The following GNB1L variants were observed in gnomAD, a reference collection of about 807,000 sequenced individuals.
The protein encoded by GNB1L is guanine nucleotide-binding protein subunit beta-like protein 1.
A neutral mutation model predicts 29.1 loss-of-function variants in GNB1L; 20 were observed. The observed-to-expected ratio is 0.69, with a 90% CI of 0.48 to 1.00. The LOEUF is 1.00. GNB1L is among the 50% of genes least tolerant of loss of function. The probability of loss-of-function intolerance (pLI) is 0.00; values close to 1 mark genes in which losing one functional copy is unlikely to be tolerated. For missense variants in GNB1L, 421 were observed against 464.9 expected, an observed-to-expected ratio of 0.91 and a Z score of 0.87; for synonymous variants, 193 against 206.5, an observed-to-expected ratio of 0.93 and a Z score of 0.56.
At chr22:19,813,545 G>A (rs1446321629) in intron 4 of GNB1L, among the ~76,000 whole-genome samples, 1 of 152,100 alleles carries the variant, frequency 6.6e-6, no homozygotes, top group East Asian at 1.9e-4. Flanking sequence ...AAAATCAGCT[G>A]GGTGTGGTGG....
At chr22:19,846,616 C>T (rs1358014959) in intron 2 of GNB1L, 6 of 913,648 alleles carry the variant, frequency 6.6e-6, no homozygotes, top group South Asian at 5.0e-5. Flanking sequence ...ATGTTCAAGT[C>T]CTAACCCCTA....
intron 2 of GNB1L, among the ~76,000 whole-genome samples, chr22:19,834,993 C>G (rs1416198660): frequency 6.6e-6 from 1 of 151,976 alleles, no homozygotes; most frequent in African/African-American, 2.4e-5. Flanking sequence ...GCAAAGTAGA[C>G]CTCAGAGTGA....
rs1241598296 is a variant in GNB1L, at chr22:19,787,750, C to G, written c.*959G>C. ...GCTTCTCTGGATCTGCCCATGGGCCCCACTCCAATATTCAGGGTCATGGTT... is the reference window on the plus strand; with the variant it reads ...GCTTCTCTGGATCTGCCCATGGGCCGCACTCCAATATTCAGGGTCATGGTT... On this transcript the variant is annotated 3_prime_UTR_variant, in exon 8 of 8. Coordinates refer to ENST00000329517, the MANE Select transcript of GNB1L (RefSeq NM_053004.3). 1 of 152,318 alleles carries G rather than the reference C, an allele frequency of 6.6e-6. No homozygotes were observed. The highest frequency in any genetic ancestry group is 1.5e-5 in the Non-Finnish European group (1 of 68,110). 9.4% of individuals were successfully genotyped at this position (152,318 alleles called of 1,614,324 possible). A position where few individuals can be genotyped will look rare whatever the true frequency, so the allele number is the denominator to read the frequency against.
At position 19,851,994 on chromosome 22, in the gene GNB1L, G is replaced by A. The variant is rs146819542; in HGVS notation, c.-21+2449C>T. The stretch of plus-strand genomic sequence containing the variant: ...CAGCAGAAGTCCACCCTGTGGGGTC[G>A]GGAGCTGGGCATGTGCCCAGCTAGG... On this transcript the variant is annotated intron_variant, in intron 2 of 7. Transcript: ENST00000329517. The A allele has an allele frequency of 1.1e-4, 180 of 1,614,156 alleles. No homozygotes were observed. The East Asian group carries it at 2.9e-3, about 26-fold the overall frequency.
chr22:19,835,388 AC>A (rs1482116660), intron 2 of GNB1L, among the ~76,000 whole-genome samples: 32 of 145,354 alleles, frequency 2.2e-4, no homozygotes, highest in East Asian at 2.0e-3. Flanking sequence ...AAAAAAAAAA[AC>A]AAACAAACAA....
chr22:19,847,888 T>C (rs977053946), intron 2 of GNB1L: 4 of 978,730 alleles, frequency 4.1e-6, no homozygotes, highest in Admixed American at 6.2e-5. Context: ...ATCTGGAATA[T>C]GTACTGGCAT....
intron 5 of GNB1L, among the ~76,000 whole-genome samples, chr22:19,806,989 C>T (rs1485669972): frequency 6.6e-6 from 1 of 152,252 alleles, no homozygotes; most frequent in Non-Finnish European, 1.5e-5. Context: ...CCGACGTTAC[C>T]GTGCAGGCTG....
chr22:19,837,112 G>A (rs1205323705), intron 2 of GNB1L, among the ~76,000 whole-genome samples: 1 of 151,880 alleles, frequency 6.6e-6, no homozygotes, highest in East Asian at 1.9e-4. Context: ...GACTACAGGC[G>A]CCCACCACCA....
At chr22:19,817,207 G>A (rs962862195) in intron 4 of GNB1L, among the ~76,000 whole-genome samples, 1 of 152,132 alleles carries the variant, frequency 6.6e-6, no homozygotes, top group Non-Finnish European at 1.5e-5. Flanking sequence ...CACCATTAGG[G>A]GCCAGGCACA....
chr22:19,852,331 T>C, intron 2 of GNB1L: 2 of 1,502,950 alleles, frequency 1.3e-6, no homozygotes, highest in East Asian at 2.3e-5. Flanking sequence ...CAGATGTGGC[T>C]TGCACGACAC....
In GNB1L at chr22:19,820,781, G is replaced by T. The variant is rs949517821; in HGVS notation, c.129-58C>A. 1.9e-6 allele frequency: 3 copies of T among 1,561,292 alleles called. No homozygotes were observed. In the African/African-American group the frequency reaches 4.1e-5, roughly 21 times the overall value. ...GGCAGAAGGGTGTGCTGAATGCTCT[G>T]GGGCCAGCCTGGAGGCCACATTGTG... On this transcript the variant is annotated intron_variant, in intron 3 of 7. Transcript: ENST00000329517.
At chr22:19,841,437 G>C (rs925433043) in intron 2 of GNB1L, among the ~76,000 whole-genome samples, 1 of 152,056 alleles carries the variant, frequency 6.6e-6, no homozygotes, top group African/African-American at 2.4e-5. Flanking sequence ...TAATGAGCCT[G>C]GGCAACATAG....
chr22:19,789,903 G>A (rs1937234432), intron 7 of GNB1L, among the ~76,000 whole-genome samples: 1 of 152,034 alleles, frequency 6.6e-6, no homozygotes, highest in African/African-American at 2.4e-5. Flanking sequence ...AAAACCTTTG[G>A]TGGCCAGACA....
At chr22:19,851,282 G>C in intron 2 of GNB1L, 1 of 1,613,380 alleles carries the variant, frequency 6.2e-7, no homozygotes, top group Non-Finnish European at 8.5e-7. Context: ...CTCCTCCTCT[G>C]TTTTCTGGGG....
In GNB1L at chr22:19,805,781, C is replaced by CA. The variant is rs535320240; in HGVS notation, c.516+877dup. 5.8e-3 allele frequency among the ~76,000 whole-genome samples: 862 copies of CA among 147,498 alleles called. 23 individuals are homozygous for CA. The South Asian group carries it at 0.083, about 14-fold the overall frequency. On this transcript the variant is annotated intron_variant, in intron 6 of 7. Coordinates refer to ENST00000329517, the MANE Select transcript of GNB1L (RefSeq NM_053004.3). ...TGGGTGACAGAGCGAGACTCCATCA[C>CA]AAAAAAAAAATAAATAAATAAAATA... is the stretch of plus-strand genomic sequence containing the variant.
chr22:19,817,741 G>A (rs1355057516), intron 4 of GNB1L, among the ~76,000 whole-genome samples: 3 of 152,220 alleles, frequency 2.0e-5, no homozygotes, highest in African/African-American at 7.2e-5. Flanking sequence ...AGAGCAGGTG[G>A]CAGCAGCTCA....
chr22:19,793,435 C>G lies in GNB1L; in HGVS notation c.733-4475G>C, dbSNP rs530722406. 9.9e-5 allele frequency among the ~76,000 whole-genome samples: 15 copies of G among 152,270 alleles called. No homozygotes were observed. The South Asian group carries it at 3.1e-3, about 32-fold the overall frequency. On this transcript the variant is annotated intron_variant, in intron 7 of 7. Coordinates refer to ENST00000329517, the MANE Select transcript of GNB1L (RefSeq NM_053004.3). Reference sequence around the variant, plus strand: ...GACTGAACCAAAACAAACAGAGCCTCAGGGGGCCATGGGATGCTATCAAAC... The same window carrying G: ...GACTGAACCAAAACAAACAGAGCCTGAGGGGGCCATGGGATGCTATCAAAC...
intron 4 of GNB1L, among the ~76,000 whole-genome samples, chr22:19,812,882 G>T (rs1937511870): frequency 1.3e-5 from 2 of 152,208 alleles, no homozygotes; most frequent in South Asian, 4.1e-4. Context: ...CTCATGACTA[G>T]ATGCTTATGA....
In GNB1L at chr22:19,847,690, T is replaced by C. The variant is rs189463496; in HGVS notation, c.-21+6753A>G. On this transcript the variant is annotated intron_variant, in intron 2 of 7. Transcript: ENST00000329517. Reference sequence around the variant, plus strand: ...CACAGCATGCATGTGCCTAGAATTGTTACGTGGTCAAATTATATTATTGTG... The same window carrying C: ...CACAGCATGCATGTGCCTAGAATTGCTACGTGGTCAAATTATATTATTGTG... 8.5e-4 allele frequency: 838 copies of C among 984,860 alleles called. 2 individuals are homozygous for C. The highest frequency in any genetic ancestry group is 9.9e-4 in the Non-Finnish European group (819 of 829,802). The allele number at this position is 984,860 out of a possible 1,614,324, so 61.0% of individuals were successfully genotyped here.
Sources: gnomAD v4.1 joint callset for allele counts (sites outside exome capture counted in the v4.1 genomes callset) on GRCh38, gnomAD v4.1.1 for gene constraint, MANE v1.5 for transcripts, NCBI Gene and HGNC (gene_info 2026-07-23, HGNC 2026-07-21) for gene names.